The following BNC2 variants were observed in gnomAD, a reference collection of about 807,000 sequenced individuals.
BNC2 encodes basonuclin zinc finger protein 2, also known as zinc finger protein basonuclin-2.
Under a neutral mutation model 76.3 loss-of-function variants are expected in BNC2, and 20 were observed. The ratio of observed to expected loss-of-function variants is 0.26; its 90% CI spans 0.18 to 0.38. The LOEUF is 0.38. BNC2 is among the 10% of genes least tolerant of loss of function. The pLI is 1.00. For synonymous variants in BNC2, 582 were observed against 514.8 expected (o/e 1.13, Z -1.77); for missense variants, 1,382 against 1,399.8 (o/e 0.99, Z 0.20).
chr9:16,513,299 CTTTTTTTTTT>C (rs1202222924), intron 5 of BNC2, among the ~76,000 whole-genome samples: 2 of 85,560 alleles, frequency 2.3e-5, no homozygotes, highest in Non-Finnish European at 4.5e-5. Context: ...AGAAAAGGTT[CTTTTTTTTTT>C]TTTTTTTTTT....
intron 4 of BNC2, among the ~76,000 whole-genome samples, chr9:16,569,495 A>G (rs1819259950): frequency 6.6e-6 from 1 of 152,148 alleles, no homozygotes; most frequent in Non-Finnish European, 1.5e-5. Context: ...TTCAAACTGA[A>G]TGGCATTTCC....
intron 3 of BNC2, among the ~76,000 whole-genome samples, chr9:16,692,311 C>G (rs551978362): frequency 6.6e-6 from 1 of 152,252 alleles, no homozygotes; most frequent in African/African-American, 2.4e-5. Flanking sequence ...CCTCAACACT[C>G]AACTCCAGCT....
chr9:16,665,742 G>A (rs545489906), intron 3 of BNC2, among the ~76,000 whole-genome samples: 4 of 152,204 alleles, frequency 2.6e-5, no homozygotes, highest in South Asian at 2.1e-4. Flanking sequence ...GGAACTGCAC[G>A]GATCTAGGCA....
At position 16,699,441 on chromosome 9, in the gene BNC2, AAGAAG is replaced by A. The variant is rs545543066; in HGVS notation, c.330+28351_330+28355del. ...GACTGATTCTCAGTGAAGAGTAAGA[AAGAAG>A]AGATTTCTCTCCACCCTCATTTTCT... On this transcript the variant is annotated intron_variant, in intron 3 of 6. Transcript: ENST00000380672. 1.7e-3 allele frequency among the ~76,000 whole-genome samples: 260 copies of A among 152,350 alleles called. 1 individual carries two copies. The highest frequency in any genetic ancestry group is 0.017 in the Middle Eastern group (5 of 294).
intron 3 of BNC2, among the ~76,000 whole-genome samples, chr9:16,670,827 C>A (rs1369126017): frequency 6.6e-6 from 1 of 152,168 alleles, no homozygotes; most frequent in Non-Finnish European, 1.5e-5. Context: ...TGCTTTTAGA[C>A]CAAAACCAAA....
chr9:16,420,296 A>G (rs972144436), intron 6 of BNC2, among the ~76,000 whole-genome samples: 1 of 152,168 alleles, frequency 6.6e-6, no homozygotes, highest in Non-Finnish European at 1.5e-5. Flanking sequence ...TTTTAACAAC[A>G]CGAATGCCTT....
intron 3 of BNC2, among the ~76,000 whole-genome samples, chr9:16,714,179 C>T (rs905296067): frequency 6.6e-6 from 1 of 152,162 alleles, no homozygotes; most frequent in African/African-American, 2.4e-5. Context: ...ACACCATTCT[C>T]AAAAAGTTTA....
intron 5 of BNC2, among the ~76,000 whole-genome samples, chr9:16,442,874 GGCA>G (rs887299907): frequency 5.9e-5 from 9 of 152,048 alleles, no homozygotes; most frequent in African/African-American, 2.2e-4. Context: ...GGGAGGCAGA[GGCA>G]GGCGGATCAC....
At chr9:16,816,632 G>C (rs1818189149) in intron 1 of BNC2, among the ~76,000 whole-genome samples, 1 of 152,146 alleles carries the variant, frequency 6.6e-6, no homozygotes, top group Non-Finnish European at 1.5e-5. Context: ...TATAATCTAA[G>C]AAAAACTGGG....
At chr9:16,652,877 GC>G (rs1287411241) in intron 3 of BNC2, among the ~76,000 whole-genome samples, 2 of 152,094 alleles carry the variant, frequency 1.3e-5, no homozygotes, top group African/African-American at 4.8e-5. Context: ...TTGGAGGCAA[GC>G]ATTTCTGGCA....
rs1171547297 is a variant in BNC2 at position 16,418,549 on chromosome 9, T to A, written c.*440A>T. ...GACAACTATAAGAAGTTCCTTTTTGTTTCTTTTTTCTTTTTTTTCCCTTTT... is the reference window on the plus strand; with the variant it reads ...GACAACTATAAGAAGTTCCTTTTTGATTCTTTTTTCTTTTTTTTCCCTTTT... On this transcript the variant is annotated 3_prime_UTR_variant, in exon 7 of 7. Coordinates refer to ENST00000380672, the MANE Select transcript of BNC2 (RefSeq NM_017637.6). The A allele has an allele frequency of 6.4e-6, 1 of 157,296 alleles. No individual in the cohort carries two copies. The highest frequency in any genetic ancestry group is 1.4e-5 in the Non-Finnish European group (1 of 71,250). 9.7% of individuals were successfully genotyped at this position (157,296 alleles called of 1,614,324 possible).
chr9:16,756,371 T>C lies in BNC2; in HGVS notation c.4-17886A>G, dbSNP rs192220392. 2.4e-3 allele frequency among the ~76,000 whole-genome samples: 360 copies of C among 152,302 alleles called. 1 individual carries two copies. Among genetic ancestry groups the C allele is most frequent in the Non-Finnish European group, 3.9e-3 (266 of 68,026 alleles). On this transcript the variant is annotated intron_variant, in intron 1 of 6. Coordinates refer to ENST00000380672, the MANE Select transcript of BNC2 (RefSeq NM_017637.6). Reference sequence around the variant, plus strand: ...AACCTCCAAATCTTTCTAGTTTATCTCCTAACTGTCTCTGGATCTATCCTC... The same window carrying C: ...AACCTCCAAATCTTTCTAGTTTATCCCCTAACTGTCTCTGGATCTATCCTC...
intron 1 of BNC2, among the ~76,000 whole-genome samples, chr9:16,780,206 A>G (rs1432331171): frequency 7.8e-6 from 1 of 129,020 alleles, no homozygotes. Context: ...ACTGCACTCC[A>G]GCCTGGGTGA....
chr9:16,614,042 T>A (rs1344252770), intron 3 of BNC2, among the ~76,000 whole-genome samples: 1 of 152,178 alleles, frequency 6.6e-6, no homozygotes, highest in Non-Finnish European at 1.5e-5. Context: ...CCAAACCTAA[T>A]GAAACAAGGC....
At chr9:16,784,162 T>G (rs1014087804) in intron 1 of BNC2, among the ~76,000 whole-genome samples, 1 of 152,216 alleles carries the variant, frequency 6.6e-6, no homozygotes, top group African/African-American at 2.4e-5. Context: ...CACACTGCTG[T>G]AGCACTGGAG....
At chr9:16,787,409 G>A (rs985827911) in intron 1 of BNC2, among the ~76,000 whole-genome samples, 1 of 152,186 alleles carries the variant, frequency 6.6e-6, no homozygotes, top group Non-Finnish European at 1.5e-5. Flanking sequence ...GAAAGAGTAT[G>A]GACTCTGGAG....
At chr9:16,764,603 T>C (rs1441523120) in intron 1 of BNC2, among the ~76,000 whole-genome samples, 1 of 152,170 alleles carries the variant, frequency 6.6e-6, no homozygotes, top group Non-Finnish European at 1.5e-5. Context: ...TCACCTTAAA[T>C]GTAACAAAAA....
At chr9:16,693,189 C>A (rs1823233613) in intron 3 of BNC2, among the ~76,000 whole-genome samples, 1 of 148,806 alleles carries the variant, frequency 6.7e-6, no homozygotes, top group South Asian at 2.1e-4. Context: ...TGGCAAGAAG[C>A]AGCATATCTG....
chr9:16,524,501 T>TG (rs1014393686), intron 5 of BNC2, among the ~76,000 whole-genome samples: 21 of 152,066 alleles, frequency 1.4e-4, no homozygotes, highest in African/African-American at 4.1e-4. Context: ...TGTTTTTTTT[T>TG]GGGGGGTGAT....
Sources: gnomAD v4.1 joint callset for allele counts (sites outside exome capture counted in the v4.1 genomes callset) on GRCh38, gnomAD v4.1.1 for gene constraint, MANE v1.5 for transcripts, NCBI Gene and HGNC (gene_info 2026-07-23, HGNC 2026-07-21) for gene names.